IMMP2L: variants seen among roughly 807,000 people sequenced by gnomAD.
IMMP2L encodes the protein inner mitochondrial membrane peptidase subunit 2.
Under a neutral mutation model 19.3 loss-of-function variants are expected in IMMP2L, and 18 were observed. The observed-to-expected ratio is 0.93, with a 90% confidence interval of 0.64 to 1.38. The LOEUF (loss-of-function observed/expected upper bound fraction) is 1.38. Among genes scored for constraint, IMMP2L ranks in the 40% most tolerant of loss-of-function variants. The pLI is 0.00. For synonymous variants in IMMP2L, 76 were observed against 73.0 expected (o/e 1.04, Z -0.21); for missense variants, 233 against 218.2 (o/e 1.07, Z -0.43).
At chr7:110,885,176 A>ATT (rs532007143) in intron 5 of IMMP2L, among the ~76,000 whole-genome samples, 5 of 150,216 alleles carry the variant, frequency 3.3e-5, no homozygotes, top group African/African-American at 1.2e-4. Flanking sequence ...CAAATTTTGG[A>ATT]TTTTTTTTTT....
At chr7:111,030,836 ATATG>A (rs973688442) in intron 3 of IMMP2L, among the ~76,000 whole-genome samples, 25 of 150,054 alleles carry the variant, frequency 1.7e-4, no homozygotes, top group Admixed American at 2.7e-4. Context: ...GTCTGTGTAT[ATATG>A]TATGTGTGTA....
chr7:110,916,335 A>C (rs1348560074), intron 4 of IMMP2L, among the ~76,000 whole-genome samples: 1 of 152,176 alleles, frequency 6.6e-6, no homozygotes, highest in East Asian at 1.9e-4. Context: ...TCAAAGAAAA[A>C]ATTTAACATT....
chr7:110,792,216 A>C (rs1224325507), intron 5 of IMMP2L, among the ~76,000 whole-genome samples: 1 of 151,572 alleles, frequency 6.6e-6, no homozygotes, highest in African/African-American at 2.4e-5. Flanking sequence ...TTAGCTAATA[A>C]TCTAACTTCT....
At chr7:111,523,485 G>C (rs1020930623) in intron 1 of IMMP2L, among the ~76,000 whole-genome samples, 3 of 151,984 alleles carry the variant, frequency 2.0e-5, no homozygotes, top group African/African-American at 7.2e-5. Flanking sequence ...ACAGGAAAAA[G>C]ATGAATGATA....
chr7:111,020,680 T>C (rs1826189862), intron 3 of IMMP2L, among the ~76,000 whole-genome samples: 2 of 152,032 alleles, frequency 1.3e-5, no homozygotes, highest in South Asian at 4.1e-4. Context: ...GAGGATCACT[T>C]GAGCCCAGAA....
At chr7:110,888,591 A>G (rs965812658) in intron 4 of IMMP2L, among the ~76,000 whole-genome samples, 1 of 152,198 alleles carries the variant, frequency 6.6e-6, no homozygotes, top group Non-Finnish European at 1.5e-5. Flanking sequence ...TGAAACCAAG[A>G]TTGAGTTTTA....
chr7:111,072,182 A>C (rs540271865), intron 3 of IMMP2L, among the ~76,000 whole-genome samples: 1 of 152,352 alleles, frequency 6.6e-6, no homozygotes, highest in African/African-American at 2.4e-5. Context: ...TCCAACTAGT[A>C]AATACAAAAG....
intron 3 of IMMP2L, among the ~76,000 whole-genome samples, chr7:111,058,892 T>G (rs1478607531): frequency 6.6e-6 from 1 of 152,208 alleles, no homozygotes; most frequent in African/African-American, 2.4e-5. Flanking sequence ...TTTAAAAAAT[T>G]CATTCCATTA....
At chr7:110,734,873 T>C (rs886332266) in intron 5 of IMMP2L, among the ~76,000 whole-genome samples, 5 of 152,076 alleles carry the variant, frequency 3.3e-5, no homozygotes, top group Non-Finnish European at 7.4e-5. Context: ...TTTGCAACTA[T>C]ATAAACAAAA....
chr7:111,487,086 C>T, intron 3 of IMMP2L, 152 bp downstream of exon 3: 1 of 426,698 alleles, frequency 2.3e-6, no homozygotes, highest in Non-Finnish European at 4.2e-6. Flanking sequence ...AGCATTGTTA[C>T]ACTGCAAAAT....
intron 3 of IMMP2L, among the ~76,000 whole-genome samples, chr7:111,043,953 T>A (rs929614577): frequency 6.6e-6 from 1 of 152,194 alleles, no homozygotes; most frequent in Non-Finnish European, 1.5e-5. Flanking sequence ...AGAATGTTCA[T>A]AGTCCGAAAG....
chr7:110,880,731 C>T (rs1044165976), intron 5 of IMMP2L, among the ~76,000 whole-genome samples: 7 of 151,968 alleles, frequency 4.6e-5, no homozygotes, highest in South Asian at 2.1e-4. Flanking sequence ...AAATTAATAA[C>T]CCCTGCATAT....
intron 4 of IMMP2L, among the ~76,000 whole-genome samples, chr7:110,909,491 T>C (rs796187785): frequency 3.3e-5 from 5 of 152,262 alleles, no homozygotes; most frequent in African/African-American, 7.2e-5. Context: ...AAACTTCTAA[T>C]GCAGTGAAAG....
intron 4 of IMMP2L, among the ~76,000 whole-genome samples, chr7:110,895,349 C>T (rs1449317701): frequency 6.6e-6 from 1 of 152,136 alleles, no homozygotes; most frequent in Non-Finnish European, 1.5e-5. Flanking sequence ...CCATATCACC[C>T]TATATGGATG....
intron 3 of IMMP2L, among the ~76,000 whole-genome samples, chr7:111,265,628 A>T (rs1226652192): frequency 6.6e-6 from 1 of 152,144 alleles, no homozygotes; most frequent in African/African-American, 2.4e-5. Flanking sequence ...AAGAAAACAC[A>T]ATGTGCAAAG....
intron 5 of IMMP2L, among the ~76,000 whole-genome samples, chr7:110,797,222 T>C (rs2131186849): frequency 6.6e-6 from 1 of 152,102 alleles, no homozygotes; most frequent in Middle Eastern, 3.4e-3. Flanking sequence ...AAATTTAAAT[T>C]ATTATTACCT....
intron 3 of IMMP2L, among the ~76,000 whole-genome samples, chr7:111,171,977 T>A (rs1259263918): frequency 2.0e-5 from 3 of 151,528 alleles, no homozygotes; most frequent in African/African-American, 7.3e-5. Context: ...ATGGGTTTGA[T>A]GAAATATAGG....
intron 2 of IMMP2L, among the ~76,000 whole-genome samples, chr7:111,489,711 C>A (rs923443785): frequency 6.6e-6 from 1 of 152,138 alleles, no homozygotes; most frequent in Non-Finnish European, 1.5e-5. Context: ...CTGAAAAATA[C>A]TGGTTATCCT....
intron 4 of IMMP2L, among the ~76,000 whole-genome samples, chr7:110,892,920 T>C (rs1810955480): frequency 6.6e-6 from 1 of 152,184 alleles, no homozygotes; most frequent in South Asian, 2.1e-4. Context: ...GTGAGAAATC[T>C]ACCCCACCCT....
Sources: gnomAD v4.1 joint callset for allele counts (sites outside exome capture counted in the v4.1 genomes callset) on GRCh38, gnomAD v4.1.1 for gene constraint, MANE v1.5 for transcripts, NCBI Gene and HGNC (gene_info 2026-07-23, HGNC 2026-07-21) for gene names.